Variants in DNAH7 observed in about 807,000 individuals in gnomAD.
DNAH7 encodes the protein dynein axonemal heavy chain 7, also known as axonemal beta dynein heavy chain 7.
In DNAH7, 397 loss-of-function variants were observed where a neutral mutation model predicts 444.6. The observed-to-expected ratio is 0.89, with a 90% CI of 0.82 to 0.97. DNAH7 has a LOEUF of 0.97. Ranked by LOEUF, DNAH7 falls within the 50% of genes least tolerant of loss-of-function variation. The pLI is 0.00. For synonymous variants in DNAH7, 1,636 were observed against 1,624.4 expected, an observed-to-expected ratio of 1.01 and a Z score of -0.17; for missense variants, 4,902 against 4,800.8, an observed-to-expected ratio of 1.02 and a Z score of -0.62.
chr2:195,747,716 C>G (rs1693514298), intron 63 of DNAH7, among the ~76,000 whole-genome samples: 1 of 152,138 alleles, frequency 6.6e-6, no homozygotes, highest in Admixed American at 6.5e-5. Context: ...AGCATATAAA[C>G]AGAACCAAAG....
At chr2:195,877,379 A>C (rs1477733551) in intron 36 of DNAH7, among the ~76,000 whole-genome samples, 2 of 152,234 alleles carry the variant, frequency 1.3e-5, no homozygotes, top group Non-Finnish European at 2.9e-5. Context: ...TATCACATGC[A>C]CATATGAATA....
chr2:195,907,999 T>C (rs1343514703), intron 25 of DNAH7, among the ~76,000 whole-genome samples: 1 of 152,096 alleles, frequency 6.6e-6, no homozygotes, highest in Non-Finnish European at 1.5e-5. Flanking sequence ...TCTAATTTTC[T>C]ACCCCCATTA....
rs765408568 is a variant in DNAH7 at position 195,957,422 on chromosome 2, G to A, written c.2917C>T (p.Leu973Phe). 1 of 1,579,466 alleles carries A rather than the reference G, an allele frequency of 6.3e-7. No individual in the cohort carries two copies. The highest frequency in any genetic ancestry group is 1.1e-5 in the South Asian group (1 of 87,616). ...MREWEGKLLL[L>F]QEILDEWLKV... The stretch of plus-strand genomic sequence containing the variant: ...AGCCATTCATCCAGAATCTCCTGAA[G>A]CAGTAGGAGCTTGCCCTCCCATTCT... Residue 973 changes from leucine (L) to phenylalanine (F), a missense_variant, in exon 19 of 65, where the codon CTT (leucine) becomes TTT (phenylalanine). Transcript: ENST00000312428.
At chr2:195,901,291 C>T (rs1686690308) in intron 27 of DNAH7, 1 of 151,978 alleles carries the variant, frequency 6.6e-6, no homozygotes, top group Non-Finnish European at 1.5e-5. Context: ...GTTTGTCAAT[C>T]ATACTTCAAT....
chr2:195,957,691 TTTCCA>T (rs1690782002), intron 18 of DNAH7, among the ~76,000 whole-genome samples: 1 of 151,956 alleles, frequency 6.6e-6, no homozygotes, highest in Admixed American at 6.6e-5. Flanking sequence ...AATATTCCAA[TTTCCA>T]TTCATCTAGT....
Position 195,936,653 on chromosome 2 carries a change from A to G in DNAH7, c.3218T>C (p.Phe1073Ser). The change falls in exon 20 of 65, where the codon TTT becomes TCT. Residue 1073 changes from phenylalanine (F) to serine (S), a missense_variant. Phe to Ser is a radical substitution (Grantham distance 155, BLOSUM62 -2). Transcript: ENST00000312428. ...KKRLFFPRFF[F>S]LSNDELLEIL... ...CTCAAGAAGTTCATCATTGGACAAAAAAAAGAATCTGGGGAAAAAGAGGCG... is the reference window on the plus strand; with the variant it reads ...CTCAAGAAGTTCATCATTGGACAAAGAAAAGAATCTGGGGAAAAAGAGGCG... 1 of 1,606,476 alleles carries G rather than the reference A, an allele frequency of 6.2e-7. No individual in the cohort carries two copies. The highest frequency in any genetic ancestry group is 8.5e-7 in the Non-Finnish European group (1 of 1,177,656).
intron 48 of DNAH7, chr2:195,825,211 T>C (rs987393322): frequency 6.6e-6 from 1 of 151,712 alleles, no homozygotes; most frequent in African/African-American, 2.4e-5. Flanking sequence ...TGAGCCATGA[T>C]CAAGCTACTG....
intron 54 of DNAH7, among the ~76,000 whole-genome samples, chr2:195,802,202 T>C (rs1559107452): frequency 6.6e-6 from 1 of 152,206 alleles, no homozygotes; most frequent in Non-Finnish European, 1.5e-5. Context: ...TTGTTTTTTG[T>C]TCTTATTTAA....
chr2:195,952,018 CAT>C (rs1292061095), intron 19 of DNAH7, among the ~76,000 whole-genome samples: 2 of 152,272 alleles, frequency 1.3e-5, no homozygotes, highest in African/African-American at 4.8e-5. Context: ...GCAGTTTCTT[CAT>C]AGTGTCAATG....
In DNAH7 at chr2:195,853,405, C is replaced by G; in HGVS notation, c.8719G>C (p.Asp2907His). Residue 2907 changes from aspartate (D) to histidine (H), a missense_variant, in exon 46 of 65, where the codon GAT (aspartate) becomes CAT (histidine). Asp to His is a moderately conservative substitution (Grantham distance 81, BLOSUM62 -1). Transcript: ENST00000312428. ...ACCACTCCGGAGGAAATGAGGATAT[C>G]CCCAGTCAAGTTGATGTACAGCTGA... ...LGQLYINLTG[D>H]ILISSGVVAY... 6.2e-7 allele frequency: 1 copy of G among 1,614,016 alleles called. No homozygotes were observed. Among genetic ancestry groups the G allele is most frequent in the African/African-American group, 1.3e-5 (1 of 74,990 alleles).
intron 36 of DNAH7, among the ~76,000 whole-genome samples, chr2:195,880,927 T>C (rs1453983707): frequency 6.6e-6 from 1 of 152,180 alleles, no homozygotes. Context: ...TTCAATCATG[T>C]TATGTCTCCA....
At chr2:195,877,018 G>T (rs893635229) in intron 36 of DNAH7, among the ~76,000 whole-genome samples, 2 of 152,070 alleles carry the variant, frequency 1.3e-5, no homozygotes, top group Non-Finnish European at 2.9e-5. Flanking sequence ...ACTGCCATTT[G>T]TCTCTCTCTA....
At chr2:195,876,449 A>C in intron 37 of DNAH7, 95 bp downstream of exon 37, 1 of 1,264,086 alleles carries the variant, frequency 7.9e-7, no homozygotes, top group Non-Finnish European at 1.1e-6. Context: ...AAAAAACTAT[A>C]CAAAAAGATG....
Position 196,027,974 on chromosome 2 carries a change from C to CTA in DNAH7, c.470_471dup (p.Glu158Ter), listed in dbSNP as rs1559349211. 2 of 1,612,316 alleles carry CTA rather than the reference C, an allele frequency of 1.2e-6. No individual in the cohort carries two copies. The highest frequency in any genetic ancestry group is 1.1e-5 in the South Asian group (1 of 90,822). ...TGGCCAGTTACCAAGATGTCTTTCTCTATAGCAGAAGCGGTCGGTTTTGGA... is the reference window on the plus strand; with the variant it reads ...TGGCCAGTTACCAAGATGTCTTTCTCTATATAGCAGAAGCGGTCGGTTTTGGA... On this transcript the variant is annotated frameshift_variant, in exon 6 of 65. Transcript: ENST00000312428. LOFTEE classifies it high-confidence loss of function.
chr2:195,864,670 T>C lies in DNAH7; in HGVS notation c.6985A>G (p.Ile2329Val). 6.2e-7 allele frequency: 1 copy of C among 1,614,224 alleles called. No homozygotes were observed. The highest frequency in any genetic ancestry group is 1.3e-5 in the African/African-American group (1 of 75,056). Residue 2329 changes from isoleucine (I) to valine (V), a missense_variant, in exon 41 of 65, where the codon ATC (isoleucine) becomes GTC (valine). Physicochemically the swap from Ile to Val is conservative, Grantham distance 29 (BLOSUM62 3). Coordinates refer to ENST00000312428, the MANE Select transcript of DNAH7 (RefSeq NM_018897.3). Reference sequence around the variant, plus strand: ...GCATGGCTGCGAGGCTGCTTCAGGATCCTGGAAATTCTGCTGATGTGCTCT... The same window carrying C: ...GCATGGCTGCGAGGCTGCTTCAGGACCCTGGAAATTCTGCTGATGTGCTCT... ...AIEHISRISR[I>V]LKQPRSHALL... is the part of the protein sequence containing the mutation.
At chr2:195,976,838 C>T (rs1574932269) in intron 15 of DNAH7, among the ~76,000 whole-genome samples, 1 of 149,796 alleles carries the variant, frequency 6.7e-6, no homozygotes, top group Admixed American at 6.7e-5. Flanking sequence ...GAGTCTCTGC[C>T]TGGTAATCAA....
chr2:195,889,662 A>C (rs970667096), intron 31 of DNAH7, among the ~76,000 whole-genome samples: 1 of 152,226 alleles, frequency 6.6e-6, no homozygotes, highest in African/African-American at 2.4e-5. Context: ...TGTTTTAGAA[A>C]GTAATATAAG....
At position 195,960,597 on chromosome 2, in the gene DNAH7, TG is replaced by T; in HGVS notation, c.2553del (p.Arg852GlyfsTer26). 6.2e-7 allele frequency: 1 copy of T among 1,614,212 alleles called. No individual in the cohort carries two copies. The highest frequency in any genetic ancestry group is 8.5e-7 in the Non-Finnish European group (1 of 1,180,034). On this transcript the variant is annotated frameshift_variant, in exon 18 of 65. Transcript: ENST00000312428. LOFTEE classifies it high-confidence loss of function. ...IQVICNPGLR[P>X]RHWEAMSAIV... ...ATGGCAGACATGGCCTCCCAGTGCC[TG>T]GGGCGCAAACCAGGATTACAGATCA...
chr2:196,050,123 T>C (rs1030123844), intron 3 of DNAH7, among the ~76,000 whole-genome samples: 2 of 152,250 alleles, frequency 1.3e-5, no homozygotes, highest in Non-Finnish European at 2.9e-5. Context: ...ATATTCTCTG[T>C]ACAAAGCAAC....
Sources: allele counts gnomAD v4.1 joint callset (sites outside exome capture counted in the v4.1 genomes callset), GRCh38; gene constraint gnomAD v4.1.1; transcripts MANE v1.5; gene names NCBI Gene and HGNC (gene_info 2026-07-23, HGNC 2026-07-21).